INVS: variants seen among roughly 807,000 people sequenced by gnomAD.
The protein encoded by INVS is inversion of embryo turning homolog.
INVS carries 86 observed loss-of-function variants against 108.8 expected under a neutral mutation model. That is an observed-to-expected ratio of 0.79 (90% CI 0.66 to 0.95). The LOEUF (loss-of-function observed/expected upper bound fraction) is 0.95. INVS is among the 40% of genes least tolerant of loss of function. INVS has a pLI of 0.00. For missense variants in INVS, 1,169 were observed against 1,297.4 expected (o/e 0.90, Z 1.52); for synonymous variants, 455 against 473.5 (o/e 0.96, Z 0.51).
At chr9:100,164,156 A>G (rs1829282651) in intron 3 of INVS, among the ~76,000 whole-genome samples, 2 of 152,174 alleles carry the variant, frequency 1.3e-5, no homozygotes, top group Admixed American at 6.5e-5. Context: ...TGTGTACAAC[A>G]TGATGTTTTG....
chr9:100,161,709 G>A (rs1419068729), intron 3 of INVS, among the ~76,000 whole-genome samples: 1 of 152,136 alleles, frequency 6.6e-6, no homozygotes, highest in Non-Finnish European at 1.5e-5. Context: ...GATTGCAGGA[G>A]CAAGACAGAA....
At chr9:100,286,768 A>AT (rs970961320) in intron 13 of INVS, among the ~76,000 whole-genome samples, 3 of 152,012 alleles carry the variant, frequency 2.0e-5, no homozygotes, top group Non-Finnish European at 4.4e-5. Flanking sequence ...CCTCTACCTT[A>AT]TTTTTTAGAT....
At chr9:100,153,307 A>G (rs1828866998) in intron 3 of INVS, among the ~76,000 whole-genome samples, 1 of 152,008 alleles carries the variant, frequency 6.6e-6, no homozygotes, top group Admixed American at 6.6e-5. Flanking sequence ...TGCAAATTAT[A>G]TCATTATCAA....
At chr9:100,174,254 G>A (rs2119048869) in intron 3 of INVS, among the ~76,000 whole-genome samples, 1 of 152,190 alleles carries the variant, frequency 6.6e-6, no homozygotes, top group African/African-American at 2.4e-5. Context: ...ATGTCTTGCA[G>A]AAAAATAGAA....
intron 3 of INVS, among the ~76,000 whole-genome samples, chr9:100,221,769 A>G (rs1831159337): frequency 6.6e-6 from 1 of 152,174 alleles, no homozygotes; most frequent in African/African-American, 2.4e-5. Context: ...ACTGTGGTCA[A>G]CCATGATCTA....
At chr9:100,161,265 A>G (rs1829166414) in intron 3 of INVS, among the ~76,000 whole-genome samples, 2 of 146,376 alleles carry the variant, frequency 1.4e-5, no homozygotes, top group African/African-American at 2.5e-5. Flanking sequence ...AATCCCAGCT[A>G]TTCGGGAGAC....
rs192492227 is a variant in INVS, at chr9:100,292,672, G to C, written c.2415G>C (p.Pro805=). The C allele has an allele frequency of 6.2e-7, 1 of 1,614,144 alleles. No individual in the cohort carries two copies. Among genetic ancestry groups the C allele is most frequent in the South Asian group, 1.1e-5 (1 of 91,074 alleles). Residue 805 remains proline (P), a synonymous_variant, in exon 14 of 17, where the codon CCG becomes CCC. Coordinates refer to ENST00000262457, the MANE Select transcript of INVS (RefSeq NM_014425.5). ...TQELRGGRCS[P]AGSSRPGSAR... ...AGCTCAGAGGAGGAAGGTGCTCTCC[G>C]GCTGGTTCTAGCCGCCCTGGCAGTG...
intron 10 of INVS, among the ~76,000 whole-genome samples, chr9:100,264,113 C>G (rs1832712330): frequency 1.3e-5 from 2 of 152,186 alleles, no homozygotes; most frequent in South Asian, 4.1e-4. Context: ...CTCTTTATGT[C>G]TAGCAATGCT....
intron 3 of INVS, among the ~76,000 whole-genome samples, chr9:100,160,340 C>T (rs1198564768): frequency 3.9e-5 from 6 of 152,158 alleles, no homozygotes; most frequent in Non-Finnish European, 5.9e-5. Context: ...TGAGGTAGCC[C>T]TCAGGGTTCA....
chr9:100,151,951 C>T (rs966885665), intron 3 of INVS, among the ~76,000 whole-genome samples: 9 of 152,164 alleles, frequency 5.9e-5, no homozygotes, highest in Admixed American at 5.9e-4. Context: ...AATAAAAACT[C>T]TAAATCTGCT....
intron 7 of INVS, among the ~76,000 whole-genome samples, chr9:100,244,725 T>G (rs1831990121): frequency 6.6e-6 from 1 of 152,140 alleles, no homozygotes; most frequent in South Asian, 2.1e-4. Context: ...ACTCGTTCCT[T>G]GAAAAATGCA....
In INVS at chr9:100,292,048, C is replaced by A. The variant is rs146454439; in HGVS notation, c.2069-278C>A. On this transcript the variant is annotated intron_variant, in intron 13 of 16. Transcript: ENST00000262457. ...CTTAATTGCTTTGATTTTCAATTTT[C>A]TCTTTGTTTTTGGCCTCCAGAGTTC... Among the ~76,000 whole-genome samples the A allele has an allele frequency of 9.4e-3, 1,432 of 152,286 alleles. 13 individuals carry two copies. Among genetic ancestry groups the A allele is most frequent in the South Asian group, 0.032 (156 of 4,828 alleles).
Position 100,148,048 on chromosome 9 carries a change from C to T in INVS, c.273+21499C>T, listed in dbSNP as rs144392937. On this transcript the variant is annotated intron_variant, in intron 3 of 16. Coordinates refer to ENST00000262457, the MANE Select transcript of INVS (RefSeq NM_014425.5). ...AAAAAAAAAAAAAAAAAAATTTAGC[C>T]GGCCATGGCAACGTGCACCTGTAAT... is the stretch of plus-strand genomic sequence containing the variant. Among the ~76,000 whole-genome samples, 74 of 150,970 alleles carry T rather than the reference C, an allele frequency of 4.9e-4. No homozygotes were observed. The East Asian group carries it at 6.4e-3, about 13-fold the overall frequency.
chr9:100,214,991 T>G (rs1193552706), intron 3 of INVS: 2 of 152,234 alleles, frequency 1.3e-5, no homozygotes, highest in Non-Finnish European at 2.9e-5. Context: ...TAGATATAAC[T>G]TCGCCTTTTC....
At position 100,294,372 on chromosome 9, in the gene INVS, C is replaced by T. The variant is rs141382499; in HGVS notation, c.2786+1329C>T. Among the ~76,000 whole-genome samples, 94 of 152,266 alleles carry T rather than the reference C, an allele frequency of 6.2e-4. No homozygotes were observed. In the East Asian group the frequency reaches 0.015, roughly 24 times the overall value. Reference sequence around the variant, plus strand: ...CCCAGGAGGTCCAGGGAGAGGCCTCCGTTCATATCATACCAGAGACTGCCT... The same window carrying T: ...CCCAGGAGGTCCAGGGAGAGGCCTCTGTTCATATCATACCAGAGACTGCCT... On this transcript the variant is annotated intron_variant, in intron 14 of 16. Transcript: ENST00000262457.
At chr9:100,202,213 C>T (rs1830554179) in intron 3 of INVS, among the ~76,000 whole-genome samples, 1 of 152,060 alleles carries the variant, frequency 6.6e-6, no homozygotes, top group South Asian at 2.1e-4. Flanking sequence ...AGCTAGAGTC[C>T]TTCCACTTAC....
intron 11 of INVS, among the ~76,000 whole-genome samples, 165 bp downstream of exon 11, chr9:100,265,093 C>G (rs551397506): frequency 1.3e-5 from 2 of 152,044 alleles, no homozygotes; most frequent in East Asian, 3.9e-4. Flanking sequence ...CAGGCATGCA[C>G]GATCACACCT....
chr9:100,192,529 A>G (rs565874867), intron 3 of INVS, among the ~76,000 whole-genome samples: 1 of 152,210 alleles, frequency 6.6e-6, no homozygotes, highest in Non-Finnish European at 1.5e-5. Flanking sequence ...ACACTCTTGT[A>G]CAAGTCTTTT....
Position 100,175,209 on chromosome 9 carries a change from T to C in INVS, c.273+48660T>C, listed in dbSNP as rs563355347. 3.1e-4 allele frequency: 171 copies of C among 547,958 alleles called. 5 individuals carry two copies. In the South Asian group the frequency reaches 3.2e-3, roughly 10 times the overall value. 33.9% of individuals were successfully genotyped at this position (547,958 alleles called of 1,614,324 possible). A position where few individuals can be genotyped will look rare whatever the true frequency, so the allele number is the denominator to read the frequency against. ...GTGCATCCAGCTTGTCCCCAAAACC[T>C]GCCTTGCTCTGAAGCATCCAACTGT... is the stretch of plus-strand genomic sequence containing the variant. On this transcript the variant is annotated intron_variant, in intron 3 of 16. Transcript: ENST00000262457.
Sources: allele counts gnomAD v4.1 joint callset (sites outside exome capture counted in the v4.1 genomes callset), GRCh38; gene constraint gnomAD v4.1.1; transcripts MANE v1.5; gene names NCBI Gene and HGNC (gene_info 2026-07-23, HGNC 2026-07-21).